Variants in ZNF654 observed in about 807,000 individuals in gnomAD.
ZNF654 encodes the protein melanoma-associated antigen.
A neutral mutation model predicts 95.3 loss-of-function variants in ZNF654; 19 were observed. That is an observed-to-expected ratio of 0.20 (90% confidence interval 0.14 to 0.29). ZNF654 has a LOEUF of 0.29. Ranked by LOEUF, ZNF654 falls within the 10% of genes least tolerant of loss-of-function variation. ZNF654 has a pLI of 1.00. For synonymous variants in ZNF654, 413 were observed against 457.9 expected, an observed-to-expected ratio of 0.90 and a Z score of 1.25; for missense variants, 1,046 against 1,341.0, an observed-to-expected ratio of 0.78 and a Z score of 3.44.
At chr3:88,133,578 C>G (rs1313919923) in intron 6 of ZNF654, among the ~76,000 whole-genome samples, 1 of 147,832 alleles carries the variant, frequency 6.8e-6, no homozygotes, top group Non-Finnish European at 1.5e-5. Flanking sequence ...GAATGAAGTA[C>G]TTTCCAAATA....
At chr3:88,121,113 CCAAA>C (rs63507863) in intron 3 of ZNF654, among the ~76,000 whole-genome samples, 3,735 of 151,996 alleles carry the variant, frequency 0.025, 80 homozygotes, top group Non-Finnish European at 0.035. Context: ...AATAATAAAT[CCAAA>C]CAAAGATGAG....
At chr3:88,096,538 T>G (rs1314957256) in intron 2 of ZNF654, among the ~76,000 whole-genome samples, 3 of 152,122 alleles carry the variant, frequency 2.0e-5, no homozygotes, top group African/African-American at 7.2e-5. Flanking sequence ...GGAAGACATT[T>G]CCACTGATTA....
intron 3 of ZNF654, among the ~76,000 whole-genome samples, chr3:88,119,395 GGAGGGGGGA>G (rs1210478713): frequency 6.0e-3 from 25 of 4,174 alleles, no homozygotes; most frequent in Non-Finnish European, 0.058. Context: ...TGGGGTGGGG[GGAGGGGGGA>G]GGGGGGAGGG....
Position 88,119,950 on chromosome 3 carries a change from A to G in ZNF654, c.415-6184A>G, listed in dbSNP as rs1367269296. Among the ~76,000 whole-genome samples, 4 of 152,176 alleles carry G rather than the reference A, an allele frequency of 2.6e-5. No homozygotes were observed. In the East Asian group the frequency reaches 7.7e-4, roughly 29 times the overall value. On this transcript the variant is annotated intron_variant, in intron 3 of 8. Transcript: ENST00000636215. ...TAAAACTCTGCTAATTAAAAGTAGCATGTACATTTATTACTTTTTACTTAT... is the reference window on the plus strand; with the variant it reads ...TAAAACTCTGCTAATTAAAAGTAGCGTGTACATTTATTACTTTTTACTTAT...
At chr3:88,138,280 G>C (rs1347154757) in intron 7 of ZNF654, among the ~76,000 whole-genome samples, 5 of 151,910 alleles carry the variant, frequency 3.3e-5, no homozygotes, top group African/African-American at 1.2e-4. Context: ...TTTAAGCCTA[G>C]TTTATTTCTT....
chr3:88,090,993 T>C (rs1292339913), intron 2 of ZNF654, among the ~76,000 whole-genome samples: 1 of 152,264 alleles, frequency 6.6e-6, no homozygotes, highest in East Asian at 1.9e-4. Context: ...GCTATATTTT[T>C]ACTTACTTTT....
rs1479506352 is a variant in ZNF654 at position 88,140,523 on chromosome 3, A to G, written c.2854A>G (p.Asn952Asp). Residue 952 changes from asparagine (N) to aspartate (D), a missense_variant, in exon 8 of 9, where the codon AAT becomes GAT. Physicochemically the swap from Asn to Asp is conservative, Grantham distance 23. Transcript: ENST00000636215. ...GNERSDDTVSNISLIDQKMPD... is the reference protein window; with the variant it reads ...GNERSDDTVSDISLIDQKMPD... ...CGAACGTTCTGATGACACTGTTTCA[A>G]ATATAAGCTTGATAGACCAAAAGAT... 3.7e-6 allele frequency: 6 copies of G among 1,613,658 alleles called. No homozygotes were observed. Among genetic ancestry groups the G allele is most frequent in the Admixed American group, 1.7e-5 (1 of 59,956 alleles).
At chr3:88,097,731 T>C (rs192076138) in intron 2 of ZNF654, among the ~76,000 whole-genome samples, 167 of 152,304 alleles carry the variant, frequency 1.1e-3, no homozygotes, top group African/African-American at 3.9e-3. Context: ...CCTGAATGAC[T>C]ACTGGGTACA....
intron 3 of ZNF654, among the ~76,000 whole-genome samples, chr3:88,121,958 G>C (rs1296636109): frequency 1.3e-5 from 2 of 152,098 alleles, no homozygotes; most frequent in Admixed American, 1.3e-4. Context: ...TATTGAGAAT[G>C]TATCTTCTCT....
chr3:88,112,969 A>C, intron 2 of ZNF654, 146 bp from the exon 3 acceptor site: 2 of 539,324 alleles, frequency 3.7e-6, no homozygotes, highest in Non-Finnish European at 6.5e-6. Flanking sequence ...AGAAAACATA[A>C]TATGAATTCT....
intron 3 of ZNF654, among the ~76,000 whole-genome samples, chr3:88,116,359 A>G (rs1299782521): frequency 6.6e-6 from 1 of 152,056 alleles, no homozygotes; most frequent in Non-Finnish European, 1.5e-5. Flanking sequence ...CGTCCCTACT[A>G]AAAATACAAA....
In ZNF654 at chr3:88,128,880, C is replaced by T. The variant is rs1199570996; in HGVS notation, c.622C>T (p.Arg208Cys). 2.5e-5 allele frequency: 38 copies of T among 1,535,298 alleles called. No individual in the cohort carries two copies. The highest frequency in any genetic ancestry group is 3.3e-5 in the Non-Finnish European group (38 of 1,146,496). ...TGCCAGATACCTAATTGCTTGTGAA[C>T]GCATACCCGAAGCAATGGCTCTTAT... ...LRARYLIACE[R>C]IPEAMALIKS... is the part of the protein sequence containing the mutation. Residue 208 changes from arginine (R) to cysteine (C), a missense_variant, in exon 5 of 9, where the codon CGC becomes TGC. Physicochemically the swap from Arg to Cys is radical, Grantham distance 180 (BLOSUM62 -3). Coordinates refer to ENST00000636215, the MANE Select transcript of ZNF654 (RefSeq NM_001350134.2).
At chr3:88,096,288 G>A (rs1704052578) in intron 2 of ZNF654, among the ~76,000 whole-genome samples, 2 of 152,068 alleles carry the variant, frequency 1.3e-5, no homozygotes, top group Admixed American at 1.3e-4. Flanking sequence ...TCTAGAAATG[G>A]AGGGACAAAG....
In ZNF654 at chr3:88,140,907, C is replaced by A; in HGVS notation, c.3238C>A (p.Gln1080Lys). The change falls in exon 8 of 9, where the codon CAA (glutamine) becomes AAA (lysine). Residue 1080 changes from glutamine to lysine, a missense_variant. This residue lies in a region of ZNF654 where 59 missense variants were observed against 73.0 expected (regional missense o/e 0.81). Coordinates refer to ENST00000636215, the MANE Select transcript of ZNF654 (RefSeq NM_001350134.2). ...LTDRVDACSD[Q>K]DNVYKKSVKR... is the part of the protein sequence containing the mutation. Reference sequence around the variant, plus strand: ...TGATAGAGTAGATGCCTGTTCTGATCAAGATAACGTGTATAAAAAATCAGT... The same window carrying A: ...TGATAGAGTAGATGCCTGTTCTGATAAAGATAACGTGTATAAAAAATCAGT... 1 of 1,613,468 alleles carries A rather than the reference C, an allele frequency of 6.2e-7. No homozygotes were observed. The highest frequency in any genetic ancestry group is 1.1e-5 in the South Asian group (1 of 91,044).
At chr3:88,106,834 T>C (rs1704771433) in intron 2 of ZNF654, among the ~76,000 whole-genome samples, 1 of 152,226 alleles carries the variant, frequency 6.6e-6, no homozygotes, top group Admixed American at 6.5e-5. Context: ...TTGTCCTGTA[T>C]AATTTTTAAC....
intron 2 of ZNF654, among the ~76,000 whole-genome samples, chr3:88,090,946 C>T (rs1708600265): frequency 1.3e-5 from 2 of 152,352 alleles, no homozygotes; most frequent in South Asian, 4.1e-4. Flanking sequence ...CCATCTTGGG[C>T]TGCATGCAGG....
Position 88,139,688 on chromosome 3 carries a change from T to A in ZNF654, c.2019T>A (p.Ile673=). 1 of 1,595,664 alleles carries A rather than the reference T, an allele frequency of 6.3e-7. No homozygotes were observed. The highest frequency in any genetic ancestry group is 8.5e-7 in the Non-Finnish European group (1 of 1,169,790). ...EIPISVPEDV[I]ENVIENGSPN... Reference sequence around the variant, plus strand: ...CCATAAGTGTACCAGAAGATGTTATTGAAAATGTTATTGAAAATGGCAGTC... The same window carrying A: ...CCATAAGTGTACCAGAAGATGTTATAGAAAATGTTATTGAAAATGGCAGTC... Residue 673 remains isoleucine, a synonymous_variant, in exon 8 of 9, where the codon ATT becomes ATA. Coordinates refer to ENST00000636215, the MANE Select transcript of ZNF654 (RefSeq NM_001350134.2).
At chr3:88,081,993 G>T (rs1427382366) in intron 1 of ZNF654, among the ~76,000 whole-genome samples, 1 of 152,154 alleles carries the variant, frequency 6.6e-6, no homozygotes, top group African/African-American at 2.4e-5. Flanking sequence ...TAGGTATTTA[G>T]AAAATTAGCA....
intron 1 of ZNF654, among the ~76,000 whole-genome samples, chr3:88,061,619 A>G (rs191217084): frequency 6.6e-6 from 1 of 152,298 alleles, no homozygotes; most frequent in Admixed American, 6.5e-5. Flanking sequence ...AAGCTTTTAG[A>G]TGGAATAAAA....
Sources: allele counts gnomAD v4.1 joint callset (sites outside exome capture counted in the v4.1 genomes callset), GRCh38; gene constraint gnomAD v4.1.1; regional missense constraint gnomAD v4.1.1; transcripts MANE v1.5; gene names NCBI Gene and HGNC (gene_info 2026-07-23, HGNC 2026-07-21).